Variants in OSBPL6 observed in about 807,000 individuals in gnomAD.
OSBPL6 encodes oxysterol binding protein like 6.
A neutral mutation model predicts 125.8 loss-of-function variants in OSBPL6; 49 were observed. That is an observed-to-expected ratio of 0.39 (90% CI 0.31 to 0.49). The LOEUF (loss-of-function observed/expected upper bound fraction) is 0.49. OSBPL6 is among the 20% of genes least tolerant of loss of function. OSBPL6 has a pLI of 0.88. For synonymous variants in OSBPL6, 394 were observed against 391.8 expected (o/e 1.01, Z -0.07); for missense variants, 986 against 1,135.4 (o/e 0.87, Z 1.89).
Position 178,303,944 on chromosome 2 carries a change from C to T in OSBPL6, c.-155-2086C>T, listed in dbSNP as rs7566971. On this transcript the variant is annotated intron_variant, in intron 2 of 24. Coordinates refer to ENST00000190611, the MANE Select transcript of OSBPL6 (RefSeq NM_032523.4). The stretch of plus-strand genomic sequence containing the variant: ...CCCTTTAGTAACACAAATCTGGTTA[C>T]GTCTCGATGGCTTCTCATGCTTATG... Among the ~76,000 whole-genome samples, 360 of 152,260 alleles carry T rather than the reference C, an allele frequency of 2.4e-3. 3 individuals carry two copies. Among genetic ancestry groups the T allele is most frequent in the African/African-American group, 8.3e-3 (346 of 41,546 alleles).
intron 1 of OSBPL6, among the ~76,000 whole-genome samples, chr2:178,282,810 C>A (rs1026425894): frequency 3.9e-5 from 6 of 152,202 alleles, no homozygotes; most frequent in Middle Eastern, 3.4e-3. Flanking sequence ...TGCCACCATG[C>A]CCAGCTAATT....
chr2:178,323,344 A>G (rs1438650515), intron 3 of OSBPL6, among the ~76,000 whole-genome samples: 1 of 152,216 alleles, frequency 6.6e-6, no homozygotes, highest in Non-Finnish European at 1.5e-5. Context: ...TCTTGCTAAT[A>G]TATAAATGCT....
intron 12 of OSBPL6, among the ~76,000 whole-genome samples, chr2:178,354,247 A>G (rs1348538621): frequency 2.0e-5 from 3 of 152,226 alleles, no homozygotes; most frequent in African/African-American, 7.2e-5. Flanking sequence ...TATTAACTTT[A>G]AACGTAAATG....
chr2:178,344,336 G>A, intron 11 of OSBPL6: 2 of 1,614,102 alleles, frequency 1.2e-6, no homozygotes, highest in Non-Finnish European at 1.7e-6. Flanking sequence ...GCCGGCAGAG[G>A]CTAGCGGCAG....
rs766965041 is a variant in OSBPL6, at chr2:178,306,182, GC to G, written c.-2del. The G allele has an allele frequency of 6.2e-7, 1 of 1,603,690 alleles. No individual in the cohort carries two copies. ...TGCATAAAACGAGACTCTAACTGCAGCGATGAGTTCAGATGAGAAGGGCATT... is the reference window on the plus strand; with the variant it reads ...TGCATAAAACGAGACTCTAACTGCAGGATGAGTTCAGATGAGAAGGGCATT... On this transcript the variant is annotated 5_prime_UTR_variant, in exon 3 of 25. Transcript: ENST00000190611.
Position 178,357,617 on chromosome 2 carries a change from C to T in OSBPL6, c.1154-4065C>T, listed in dbSNP as rs187927902. On this transcript the variant is annotated intron_variant, in intron 12 of 24. Transcript: ENST00000190611. ...TGGAGAGGATGTGGAGAAATAGGAA[C>T]GCTTTTACACTGTTTGTGGAAGTGT... Among the ~76,000 whole-genome samples, 26 of 152,258 alleles carry T rather than the reference C, an allele frequency of 1.7e-4. No individual in the cohort carries two copies. The East Asian group carries it at 2.1e-3, about 12-fold the overall frequency.
chr2:178,384,096 A>T lies in OSBPL6; in HGVS notation c.1933A>T (p.Ser645Cys). 1 of 1,614,188 alleles carries T rather than the reference A, an allele frequency of 6.2e-7. No individual in the cohort carries two copies. Among genetic ancestry groups the T allele is most frequent in the Non-Finnish European group, 8.5e-7 (1 of 1,179,994 alleles). The part of the protein sequence containing the change: ...GYCSTYFRAG[S>C]KPFNPVLGET... ...CTGCTCCACCTATTTCAGAGCAGGA[A>T]GTAAGCCATTCAACCCAGTCCTTGG... Residue 645 changes from serine to cysteine, a missense_variant, in exon 18 of 25, where the codon AGT becomes TGT. This residue lies in a region of OSBPL6 where 843 missense variants were observed against 997.3 expected (regional missense o/e 0.85). Transcript: ENST00000190611.
At chr2:178,314,803 G>C (rs778007762) in intron 3 of OSBPL6, among the ~76,000 whole-genome samples, 40 of 152,178 alleles carry the variant, frequency 2.6e-4, no homozygotes, top group Non-Finnish European at 4.8e-4. Flanking sequence ...ATGAGCAGTG[G>C]AGACAGGATT....
intron 1 of OSBPL6, among the ~76,000 whole-genome samples, chr2:178,239,592 T>TTTTA (rs80019586): frequency 0.084 from 11,694 of 138,676 alleles, 548 homozygotes; most frequent in South Asian, 0.11. Flanking sequence ...ATGAACTTTA[T>TTTTA]TTTATTTATT....
At chr2:178,208,700 C>G (rs1011208351) in intron 1 of OSBPL6, among the ~76,000 whole-genome samples, 1 of 53,342 alleles carries the variant, frequency 1.9e-5, no homozygotes, top group Non-Finnish European at 4.2e-5. Context: ...CCCTCCATTT[C>G]CTTCCCCTCC....
At position 178,398,160 on chromosome 2, in the gene OSBPL6, G is replaced by A. The variant is rs953124691; in HGVS notation, c.*2601G>A. 2.6e-5 allele frequency: 4 copies of A among 152,102 alleles called. No homozygotes were observed. The highest frequency in any genetic ancestry group is 1.9e-4 in the East Asian group (1 of 5,200). 9.4% of individuals were successfully genotyped at this position (152,102 alleles called of 1,614,324 possible). On this transcript the variant is annotated 3_prime_UTR_variant, in exon 25 of 25. Coordinates refer to ENST00000190611, the MANE Select transcript of OSBPL6 (RefSeq NM_032523.4). ...TTACTCTATTGGAATTTTCATCTAC[G>A]TAGTATTTGGGCTGTCAAGACTAAA...
intron 22 of OSBPL6, among the ~76,000 whole-genome samples, chr2:178,391,546 C>A (rs1045208595): frequency 3.3e-5 from 5 of 152,104 alleles, no homozygotes; most frequent in Admixed American, 2.0e-4. Context: ...TTGAAGTATA[C>A]AAACTTAAAA....
At chr2:178,366,680 A>G (rs888047115) in intron 13 of OSBPL6, among the ~76,000 whole-genome samples, 3 of 152,240 alleles carry the variant, frequency 2.0e-5, no homozygotes, top group African/African-American at 4.8e-5. Context: ...AATCCAAGTC[A>G]TATCTGTCAT....
intron 3 of OSBPL6, chr2:178,323,895 T>C (rs1688468712): frequency 4.2e-6 from 1 of 236,918 alleles, no homozygotes; most frequent in Non-Finnish European, 8.2e-6. Flanking sequence ...GTTGTAAGTT[T>C]TCTTGTGTGT....
chr2:178,359,649 A>G (rs1574964872), intron 12 of OSBPL6, among the ~76,000 whole-genome samples: 1 of 152,222 alleles, frequency 6.6e-6, no homozygotes, highest in East Asian at 1.9e-4. Context: ...AGTGGAAACC[A>G]CCCAGGTATC....
rs895681118 is a variant in OSBPL6 at position 178,320,796 on chromosome 2, T to G, written c.103-3381T>G. Among the ~76,000 whole-genome samples, 5 of 152,228 alleles carry G rather than the reference T, an allele frequency of 3.3e-5. No individual in the cohort carries two copies. The East Asian group carries it at 9.6e-4, about 29-fold the overall frequency. On this transcript the variant is annotated intron_variant, in intron 3 of 24. Coordinates refer to ENST00000190611, the MANE Select transcript of OSBPL6 (RefSeq NM_032523.4). ...GAGTTCTGTGATTAATCCGCTAGATTTTCCTGTTTTAAAACTTAGGCTTTT... is the reference window on the plus strand; with the variant it reads ...GAGTTCTGTGATTAATCCGCTAGATGTTCCTGTTTTAAAACTTAGGCTTTT...
chr2:178,379,587 T>C (rs988922319), intron 15 of OSBPL6, among the ~76,000 whole-genome samples: 1 of 152,250 alleles, frequency 6.6e-6, no homozygotes, highest in Non-Finnish European at 1.5e-5. Context: ...ACAATAAACA[T>C]GCATGCAATG....
At chr2:178,293,779 C>G (rs1685492475) in intron 2 of OSBPL6, among the ~76,000 whole-genome samples, 1 of 152,162 alleles carries the variant, frequency 6.6e-6, no homozygotes, top group East Asian at 1.9e-4. Context: ...TCACCTCCCC[C>G]CACCCTCCAC....
chr2:178,370,700 A>G (rs1294286480), intron 13 of OSBPL6, among the ~76,000 whole-genome samples: 1 of 152,160 alleles, frequency 6.6e-6, no homozygotes, highest in African/African-American at 2.4e-5. Flanking sequence ...ACTTCCTCCT[A>G]TCTCCAAATG....
Sources: allele counts gnomAD v4.1 joint callset (sites outside exome capture counted in the v4.1 genomes callset), GRCh38; gene constraint gnomAD v4.1.1; regional missense constraint gnomAD v4.1.1; transcripts MANE v1.5; gene names NCBI Gene and HGNC (gene_info 2026-07-23, HGNC 2026-07-21).